The following ADGB variants were observed in gnomAD, a reference collection of about 807,000 sequenced individuals.
The protein encoded by ADGB is calpain-7-like protein.
ADGB carries 172 observed loss-of-function variants against 210.5 expected under a neutral mutation model. That is an observed-to-expected ratio of 0.82 (90% confidence interval 0.72 to 0.93). The LOEUF (loss-of-function observed/expected upper bound fraction) is 0.93, where lower values mean the gene tolerates loss of function less well. ADGB is among the 40% of genes least tolerant of loss of function. ADGB has a pLI of 0.00. For missense variants in ADGB, 2,025 were observed against 1,964.8 expected, an observed-to-expected ratio of 1.03 and a Z score of -0.58; for synonymous variants, 658 against 662.7, an observed-to-expected ratio of 0.99 and a Z score of 0.11.
intron 6 of ADGB, among the ~76,000 whole-genome samples, chr6:146,665,066 A>T (rs866191712): frequency 3.9e-5 from 6 of 152,068 alleles, no homozygotes; most frequent in Middle Eastern, 3.2e-3. Flanking sequence ...AGATGCTCAC[A>T]TACATTGCAC....
rs188636976 is a variant in ADGB at position 146,774,282 on chromosome 6, A to G, written c.3862+5151A>G. 5.9e-5 allele frequency among the ~76,000 whole-genome samples: 9 copies of G among 152,350 alleles called. No homozygotes were observed. The East Asian group carries it at 1.5e-3, about 26-fold the overall frequency. On this transcript the variant is annotated intron_variant, in intron 29 of 35. Coordinates refer to ENST00000397944, the MANE Select transcript of ADGB (RefSeq NM_024694.4). Reference sequence around the variant, plus strand: ...ACAGTAGTTTAATTCATGAAATACAATAATGTAAATATGTAGAATTGGGTA... The same window carrying G: ...ACAGTAGTTTAATTCATGAAATACAGTAATGTAAATATGTAGAATTGGGTA...
At chr6:146,671,895 C>T (rs1776012907) in intron 7 of ADGB, among the ~76,000 whole-genome samples, 1 of 152,104 alleles carries the variant, frequency 6.6e-6, no homozygotes, top group East Asian at 1.9e-4. Flanking sequence ...GCAAAAGTGT[C>T]TGCCACTTAA....
At position 146,784,746 on chromosome 6, in the gene ADGB, A is replaced by T; in HGVS notation, c.4164A>T (p.Arg1388=). 6.4e-7 allele frequency: 1 copy of T among 1,551,336 alleles called. No individual in the cohort carries two copies. The highest frequency in any genetic ancestry group is 1.4e-5 in the African/African-American group (1 of 73,140). Residue 1388 remains arginine (R), a synonymous_variant, in exon 31 of 36, where the codon CGA becomes CGT. Coordinates refer to ENST00000397944, the MANE Select transcript of ADGB (RefSeq NM_024694.4). ...KKDTERADEI[R]AMKQAWETTE... The stretch of plus-strand genomic sequence containing the variant: ...ATACAGAAAGGGCAGATGAAATCCG[A>T]GCCATGAAACAAGCCTGGGAGACAA...
At chr6:146,723,329 C>T (rs994364077) in intron 17 of ADGB, among the ~76,000 whole-genome samples, 3 of 152,094 alleles carry the variant, frequency 2.0e-5, no homozygotes, top group African/African-American at 7.2e-5. Context: ...CATTGATGAA[C>T]AATTAGCCTA....
chr6:146,666,870 C>T lies in ADGB; in HGVS notation c.807C>T (p.Leu269=). The T allele has an allele frequency of 6.5e-7, 1 of 1,546,798 alleles. No individual in the cohort carries two copies. Among genetic ancestry groups the T allele is most frequent in the Middle Eastern group, 1.7e-4 (1 of 5,966 alleles). The change falls in exon 7 of 36, where the codon CTC becomes CTT. Residue 269 remains leucine, a synonymous_variant. Transcript: ENST00000397944. ...ELGEFTVIHA[L]TGWLPEVISL... ...GGGAGTTCACGGTTATTCATGCGCT[C>T]ACAGGATGGTTACCAGAAGTCATTT...
intron 26 of ADGB, 94 bp from the exon 27 acceptor site, chr6:146,752,436 T>C: frequency 8.8e-7 from 1 of 1,135,196 alleles, no homozygotes; most frequent in Non-Finnish European, 1.2e-6. Context: ...TGACAGCAGA[T>C]TTGGGCAGGG....
chr6:146,810,352 GAGAA>G (rs1778286077), intron 35 of ADGB, among the ~76,000 whole-genome samples: 1 of 152,144 alleles, frequency 6.6e-6, no homozygotes, highest in Admixed American at 6.5e-5. Flanking sequence ...ACACTGTGGT[GAGAA>G]TGTAAATTGC....
chr6:146,728,466 T>C (rs1776930462), intron 19 of ADGB, 108 bp from the exon 20 acceptor site: 2 of 1,119,180 alleles, frequency 1.8e-6, no homozygotes, highest in Non-Finnish European at 2.4e-6. Flanking sequence ...CTATAAAGAA[T>C]TATTGAATCA....
intron 27 of ADGB, 26 bp from the exon 28 acceptor site, chr6:146,763,874 CT>C: frequency 1.3e-6 from 2 of 1,530,512 alleles, no homozygotes; most frequent in Non-Finnish European, 8.8e-7. Flanking sequence ...CATATTTTAA[CT>C]TTAACTTAGT....
intron 11 of ADGB, 149 bp downstream of exon 11, chr6:146,691,439 T>TTAA (rs1357095945): frequency 0.1 from 3,330 of 31,826 alleles, 265 homozygotes; most frequent in East Asian, 0.21. Flanking sequence ...TATATATATA[T>TTAA]ATAAAAATAT....
At chr6:146,682,614 T>C (rs184548852) in intron 9 of ADGB, among the ~76,000 whole-genome samples, 2 of 152,268 alleles carry the variant, frequency 1.3e-5, no homozygotes, top group African/African-American at 4.8e-5. Flanking sequence ...GTACCATTCA[T>C]AGTTCACTGA....
intron 29 of ADGB, 84 bp from the exon 30 acceptor site, chr6:146,781,936 C>T (rs947517821): frequency 3.4e-5 from 33 of 973,670 alleles, no homozygotes; most frequent in Non-Finnish European, 4.5e-5. Flanking sequence ...AACCATATGT[C>T]CCTGAGTTGA....
chr6:146,748,325 C>A (rs544897697), intron 26 of ADGB, among the ~76,000 whole-genome samples: 6 of 152,106 alleles, frequency 3.9e-5, no homozygotes, highest in Middle Eastern at 3.4e-3. Context: ...ACTGCCATAA[C>A]AAAAGTCCAC....
intron 3 of ADGB, among the ~76,000 whole-genome samples, chr6:146,649,469 C>CATTTTT (rs903190821): frequency 3.3e-5 from 5 of 150,884 alleles, no homozygotes; most frequent in African/African-American, 7.3e-5. Flanking sequence ...ATTCTGAAGA[C>CATTTTT]ATTTTTATTT....
In ADGB at chr6:146,788,380, A is replaced by G. The variant is rs1562301287; in HGVS notation, c.4316-9A>G. The stretch of plus-strand genomic sequence containing the variant: ...CAGCTTTTTCAGTAATGCACATGTC[A>G]TGTTGTAGTAGAAACAGCTGCACGT... On this transcript the variant is annotated splice_polypyrimidine_tract_variant and intron_variant, in intron 32 of 35. Transcript: ENST00000397944. 3.7e-5 allele frequency: 57 copies of G among 1,550,506 alleles called. No individual in the cohort carries two copies. The highest frequency in any genetic ancestry group is 4.6e-5 in the Non-Finnish European group (53 of 1,146,020).
chr6:146,600,542 C>A (rs746746861), intron 1 of ADGB, among the ~76,000 whole-genome samples: 15 of 152,172 alleles, frequency 9.9e-5, no homozygotes, highest in Non-Finnish European at 1.9e-4. Flanking sequence ...ACCTAAATGT[C>A]ATTTTCTCCT....
chr6:146,813,453 A>ATTT (rs200164048), intron 35 of ADGB, among the ~76,000 whole-genome samples: 1 of 151,322 alleles, frequency 6.6e-6, no homozygotes, highest in African/African-American at 2.4e-5. Context: ...AGATGCAGAA[A>ATTT]TTTTTTTTCT....
chr6:146,703,975 AT>A (rs1420557188), intron 13 of ADGB, among the ~76,000 whole-genome samples: 62 of 151,520 alleles, frequency 4.1e-4, no homozygotes, highest in African/African-American at 1.5e-3. Context: ...ACTAACACTT[AT>A]TTTTGTATTC....
intron 22 of ADGB, 80 bp downstream of exon 22, chr6:146,734,110 G>A: frequency 7.2e-7 from 1 of 1,380,760 alleles, no homozygotes; most frequent in Non-Finnish European, 9.8e-7. Flanking sequence ...AAGTATTTTG[G>A]AGTCCCCCAC....
Sources: allele counts gnomAD v4.1 joint callset (sites outside exome capture counted in the v4.1 genomes callset), GRCh38; gene constraint gnomAD v4.1.1; transcripts MANE v1.5; gene names NCBI Gene and HGNC (gene_info 2026-07-23, HGNC 2026-07-21).